Variants in CERS3 observed in about 807,000 individuals in gnomAD.
CERS3 encodes LAG1 homolog, ceramide synthase 3.
In CERS3, 33 loss-of-function variants were observed where a neutral mutation model predicts 50.3. That is an observed-to-expected ratio of 0.66 (90% CI 0.50 to 0.88). CERS3 has a LOEUF of 0.88. Among genes scored for constraint, CERS3 ranks in the 40% least tolerant of loss-of-function variants. The pLI, the probability that CERS3 is intolerant of heterozygous loss-of-function variation, is 0.00. For synonymous variants in CERS3, 176 were observed against 155.2 expected (o/e 1.13, Z -0.99); for missense variants, 470 against 460.3 (o/e 1.02, Z -0.19).
intron 11 of CERS3, among the ~76,000 whole-genome samples, chr15:100,405,772 G>A (rs78894720): frequency 0.01 from 1,530 of 152,258 alleles, 26 homozygotes; most frequent in Admixed American, 0.049. Context: ...ATACACACAT[G>A]TTAAAATTCA....
In CERS3 at chr15:100,458,575, G is replaced by C. The variant is rs2034450176; in HGVS notation, c.846-2529C>G. 3.0e-5 allele frequency among the ~76,000 whole-genome samples: 3 copies of C among 98,918 alleles called. No individual in the cohort carries two copies. In the Admixed American group the frequency reaches 3.7e-4, roughly 12 times the overall value. The allele number at this position is 98,918 out of a possible 152,430, so 64.9% of individuals were successfully genotyped here. A position where few individuals can be genotyped will look rare whatever the true frequency, so the allele number is the denominator to read the frequency against. Reference sequence around the variant, plus strand: ...CACTCTAGCCTGGGTGACAGAGCAAGACTCCATCTCAAAAAAAAAAAAAAA... The same window carrying C: ...CACTCTAGCCTGGGTGACAGAGCAACACTCCATCTCAAAAAAAAAAAAAAA... On this transcript the variant is annotated intron_variant, in intron 10 of 11. Coordinates refer to ENST00000679737, the MANE Select transcript of CERS3 (RefSeq NM_001378789.1).
Position 100,484,873 on chromosome 15 carries a change from C to T in CERS3, c.289-205G>A, listed in dbSNP as rs149352341. 6.6e-5 allele frequency among the ~76,000 whole-genome samples: 10 copies of T among 152,262 alleles called. No individual in the cohort carries two copies. The East Asian group carries it at 1.9e-3, about 29-fold the overall frequency. On this transcript the variant is annotated intron_variant, in intron 4 of 11. Coordinates refer to ENST00000679737, the MANE Select transcript of CERS3 (RefSeq NM_001378789.1). ...ACCAAAAAACAAAATGTTACTATCC[C>T]AGCTCTCTAAGTTACTGAGAAAGAT...
chr15:100,465,659 C>G (rs1041247819), intron 10 of CERS3, among the ~76,000 whole-genome samples: 1 of 140,864 alleles, frequency 7.1e-6, no homozygotes, highest in East Asian at 2.0e-4. Context: ...TTGTTTTGAA[C>G]TTTTTTTTTT....
chr15:100,476,469 T>G (rs952978387), intron 7 of CERS3, among the ~76,000 whole-genome samples: 4 of 152,208 alleles, frequency 2.6e-5, no homozygotes, highest in African/African-American at 9.6e-5. Flanking sequence ...GAGTCAAGTT[T>G]AAATTTTTAA....
intron 11 of CERS3, among the ~76,000 whole-genome samples, chr15:100,405,247 A>AC (rs1179179063): frequency 1.6e-4 from 6 of 38,692 alleles, no homozygotes; most frequent in Admixed American, 1.5e-3. Flanking sequence ...AAAAAAAAAA[A>AC]ACAAAAAAAA....
chr15:100,439,674 T>C (rs1396998328), intron 11 of CERS3, among the ~76,000 whole-genome samples: 1 of 152,224 alleles, frequency 6.6e-6, no homozygotes, highest in African/African-American at 2.4e-5. Context: ...TCTCCTCCCC[T>C]TTGCAATGCA....
chr15:100,474,089 T>A (rs1416218837), intron 8 of CERS3, among the ~76,000 whole-genome samples: 1 of 151,850 alleles, frequency 6.6e-6, no homozygotes, highest in African/African-American at 2.4e-5. Flanking sequence ...GGCACATCTA[T>A]AGAGACAAAG....
chr15:100,481,915 C>G (rs2035312164), intron 5 of CERS3, among the ~76,000 whole-genome samples: 1 of 152,204 alleles, frequency 6.6e-6, no homozygotes, highest in African/African-American at 2.4e-5. Context: ...GTCATTCTCT[C>G]ACAAGCGAGG....
chr15:100,536,576 T>C (rs1023758627), intron 1 of CERS3, among the ~76,000 whole-genome samples: 1 of 152,224 alleles, frequency 6.6e-6, no homozygotes, highest in Non-Finnish European at 1.5e-5. Flanking sequence ...TGAGCCAGCA[T>C]GACTGGCCTA....
intron 2 of CERS3, among the ~76,000 whole-genome samples, chr15:100,514,824 T>A (rs1844130905): frequency 6.6e-6 from 1 of 152,226 alleles, no homozygotes; most frequent in South Asian, 2.1e-4. Flanking sequence ...AAATAATTGA[T>A]ATACTAACAT....
intron 11 of CERS3, among the ~76,000 whole-genome samples, chr15:100,432,058 T>G: frequency 9.9e-6 from 1 of 101,256 alleles, no homozygotes; most frequent in Middle Eastern, 5.1e-3. Flanking sequence ...GTTCCTTTAA[T>G]AGGCCCTCTT....
chr15:100,493,887 G>C (rs1398611283), intron 3 of CERS3, among the ~76,000 whole-genome samples: 1 of 151,946 alleles, frequency 6.6e-6, no homozygotes, highest in Non-Finnish European at 1.5e-5. Flanking sequence ...GATTTGGTGA[G>C]ACACTGTTTT....
At chr15:100,476,428 G>A (rs2035129293) in intron 7 of CERS3, among the ~76,000 whole-genome samples, 1 of 152,160 alleles carries the variant, frequency 6.6e-6, no homozygotes, top group African/African-American at 2.4e-5. Context: ...AAATACAACT[G>A]CCACAGGTGT....
chr15:100,465,003 A>T (rs1376172791), intron 10 of CERS3, among the ~76,000 whole-genome samples: 1 of 152,138 alleles, frequency 6.6e-6, no homozygotes, highest in Non-Finnish European at 1.5e-5. Context: ...AGGCTGGGGA[A>T]AATCAGAGAA....
At chr15:100,484,010 T>TA (rs2035410548) in intron 5 of CERS3, among the ~76,000 whole-genome samples, 1 of 151,690 alleles carries the variant, frequency 6.6e-6, no homozygotes, top group African/African-American at 2.4e-5. Context: ...CCACCTCTAC[T>TA]AAAAATCCTG....
chr15:100,513,534 T>G (rs933965712), intron 2 of CERS3, among the ~76,000 whole-genome samples: 7 of 55,466 alleles, frequency 1.3e-4, no homozygotes, highest in Non-Finnish European at 2.7e-4. Context: ...GTTCTTGTTT[T>G]CTTTTCTTTT....
chr15:100,463,812 C>T (rs758980841), intron 10 of CERS3, among the ~76,000 whole-genome samples: 20 of 152,156 alleles, frequency 1.3e-4, no homozygotes, highest in African/African-American at 3.1e-4. Context: ...GTTGCGCAAA[C>T]GGCACTAAGC....
At chr15:100,513,087 C>T (rs1343698498) in intron 2 of CERS3, among the ~76,000 whole-genome samples, 1 of 152,174 alleles carries the variant, frequency 6.6e-6, no homozygotes, top group Non-Finnish European at 1.5e-5. Context: ...GTCAAGTTCC[C>T]TTTCGAGCCA....
chr15:100,499,157 C>G lies in CERS3; in HGVS notation c.173+2520G>C, dbSNP rs186144815. Among the ~76,000 whole-genome samples the G allele has an allele frequency of 3.9e-5, 6 of 152,226 alleles. No individual in the cohort carries two copies. In the East Asian group the frequency reaches 1.2e-3, roughly 29 times the overall value. On this transcript the variant is annotated intron_variant, in intron 3 of 11. Transcript: ENST00000679737. ...AGTAACAACAATAATAAAAATGTGT[C>G]CTTCTGATTTTACCACCTGCACCCC... is the stretch of plus-strand genomic sequence containing the variant.
Sources: allele counts gnomAD v4.1 joint callset (sites outside exome capture counted in the v4.1 genomes callset), GRCh38; gene constraint gnomAD v4.1.1; transcripts MANE v1.5; gene names NCBI Gene and HGNC (gene_info 2026-07-23, HGNC 2026-07-21).